Variants in ZCCHC14 observed in about 807,000 individuals in gnomAD.
The protein encoded by ZCCHC14 is zinc finger CCHC domain-containing protein 14.
Under a neutral mutation model 85.0 loss-of-function variants are expected in ZCCHC14, and 16 were observed. The ratio of observed to expected loss-of-function variants is 0.19; its 90% CI spans 0.13 to 0.29. The LOEUF (loss-of-function observed/expected upper bound fraction) is 0.29. ZCCHC14 is among the 10% of genes least tolerant of loss of function. ZCCHC14 has a pLI of 1.00. For missense variants in ZCCHC14, 1,303 were observed against 1,443.5 expected, an observed-to-expected ratio of 0.90 and a Z score of 1.58; for synonymous variants, 775 against 630.7, an observed-to-expected ratio of 1.23 and a Z score of -3.43.
intron 3 of ZCCHC14, among the ~76,000 whole-genome samples, chr16:87,427,157 G>T (rs943803069): frequency 6.6e-6 from 1 of 152,240 alleles, no homozygotes; most frequent in Admixed American, 6.5e-5. Context: ...AAGACACCCA[G>T]AATCTCCACT....
intron 2 of ZCCHC14, among the ~76,000 whole-genome samples, chr16:87,454,282 A>G (rs2150753894): frequency 6.6e-6 from 1 of 152,358 alleles, no homozygotes; most frequent in South Asian, 2.1e-4. Flanking sequence ...TGTAGTGCAA[A>G]ACATAAGCTG....
chr16:87,456,511 C>T (rs1030567654), intron 2 of ZCCHC14, among the ~76,000 whole-genome samples: 8 of 111,744 alleles, frequency 7.2e-5, no homozygotes, highest in Admixed American at 2.5e-4. Flanking sequence ...CCAGCCTGGG[C>T]GACAGAGCAA....
Position 87,419,890 on chromosome 16 carries a change from C to A in ZCCHC14, c.951-13G>T. ...TGAGGCCAGGTACCTAAAAGGCAAA[C>A]AAGTGGTCTTATCAACATTAAAATG... is the stretch of plus-strand genomic sequence containing the variant. On this transcript the variant is annotated splice_polypyrimidine_tract_variant and intron_variant, in intron 5 of 12. Coordinates refer to ENST00000671377, the MANE Select transcript of ZCCHC14 (RefSeq NM_015144.3). 1 of 1,595,078 alleles carries A rather than the reference C, an allele frequency of 6.3e-7. No individual in the cohort carries two copies. The highest frequency in any genetic ancestry group is 1.2e-5 in the South Asian group (1 of 86,764).
intron 1 of ZCCHC14, among the ~76,000 whole-genome samples, chr16:87,464,531 G>A (rs866817218): frequency 3.9e-5 from 6 of 152,126 alleles, no homozygotes; most frequent in South Asian, 2.1e-4. Context: ...CTGTAGGTCC[G>A]TCTGCCACAA....
At chr16:87,433,583 C>G (rs369792110) in intron 2 of ZCCHC14, among the ~76,000 whole-genome samples, 48 of 152,332 alleles carry the variant, frequency 3.2e-4, no homozygotes, top group African/African-American at 1.1e-3. Flanking sequence ...AAAGGTAATG[C>G]TCAGCATTTT....
chr16:87,469,159 T>C (rs1911666444), intron 1 of ZCCHC14, among the ~76,000 whole-genome samples: 2 of 152,132 alleles, frequency 1.3e-5, no homozygotes, highest in Non-Finnish European at 2.9e-5. Flanking sequence ...GTCATCCTCC[T>C]GCCTCAGCCT....
chr16:87,413,815 G>A (rs1343612449), intron 10 of ZCCHC14, among the ~76,000 whole-genome samples: 3 of 143,150 alleles, frequency 2.1e-5, no homozygotes, highest in Admixed American at 2.1e-4. Context: ...CACCAGTCCT[G>A]GGGTGGGGGG....
chr16:87,481,963 A>C (rs910738710), intron 1 of ZCCHC14, among the ~76,000 whole-genome samples: 4 of 152,210 alleles, frequency 2.6e-5, no homozygotes, highest in Non-Finnish European at 5.9e-5. Context: ...AGAAGGGGAA[A>C]GGGCGAGAGA....
intron 11 of ZCCHC14, 21 bp from the exon 12 acceptor site, chr16:87,412,997 G>C: frequency 6.2e-7 from 1 of 1,613,876 alleles, no homozygotes; most frequent in South Asian, 1.1e-5. Context: ...AAACAAGAGT[G>C]GTCAGTGCCA....
intron 1 of ZCCHC14, among the ~76,000 whole-genome samples, chr16:87,479,884 G>C (rs141787952): frequency 6.6e-6 from 1 of 151,862 alleles, no homozygotes; most frequent in Non-Finnish European, 1.5e-5. Context: ...CCCAACTCTC[G>C]TGTTAGAGAG....
intron 2 of ZCCHC14, among the ~76,000 whole-genome samples, chr16:87,449,907 T>G (rs1597429549): frequency 1.3e-5 from 2 of 152,208 alleles, no homozygotes; most frequent in South Asian, 4.2e-4. Context: ...TACCTGGGTG[T>G]GGTGGTGTGT....
At chr16:87,411,468 C>T (rs898591475) in intron 12 of ZCCHC14, 48 bp downstream of exon 12, 2 of 1,599,604 alleles carry the variant, frequency 1.3e-6, no homozygotes, top group Middle Eastern at 1.7e-4. Flanking sequence ...CATTTGTGTG[C>T]ACTGGTCCTG....
At chr16:87,435,111 T>C (rs1304101259) in intron 2 of ZCCHC14, among the ~76,000 whole-genome samples, 2 of 151,950 alleles carry the variant, frequency 1.3e-5, no homozygotes, top group Non-Finnish European at 2.9e-5. Context: ...CAGTACATTA[T>C]AATTTTTTAA....
chr16:87,433,792 C>T (rs777146456), intron 2 of ZCCHC14, among the ~76,000 whole-genome samples: 9 of 152,086 alleles, frequency 5.9e-5, no homozygotes, highest in Admixed American at 3.9e-4. Flanking sequence ...CAGGCGCATG[C>T]ACCACCGTGC....
intron 2 of ZCCHC14, among the ~76,000 whole-genome samples, chr16:87,439,892 T>C (rs542076862): frequency 7.9e-5 from 12 of 152,384 alleles, no homozygotes; most frequent in African/African-American, 2.9e-4. Context: ...TTTTGCTGTC[T>C]ACCAGCAGCT....
Position 87,415,299 on chromosome 16 carries a change from G to C in ZCCHC14, c.1452C>G (p.Leu484=), listed in dbSNP as rs1464765189. Residue 484 remains leucine (L), a synonymous_variant, in exon 9 of 13, where the codon CTC becomes CTG. Transcript: ENST00000671377. The part of the protein sequence containing the change: ...ESLTMGAKKK[L]KTQLELEKEK... ...ACTTTTCCAGCTCCAGCTGGGTCTT[G>C]AGCTTCTTCTTTGCCCCCATGGTAA... is the stretch of plus-strand genomic sequence containing the variant. 6 of 1,613,816 alleles carry C rather than the reference G, an allele frequency of 3.7e-6. No individual in the cohort carries two copies. In the Admixed American group the frequency reaches 5.0e-5, roughly 13 times the overall value.
At chr16:87,451,943 A>G (rs1910727320) in intron 2 of ZCCHC14, among the ~76,000 whole-genome samples, 1 of 152,234 alleles carries the variant, frequency 6.6e-6, no homozygotes, top group Non-Finnish European at 1.5e-5. Context: ...TCAAAGCCGC[A>G]TGTCCTCGCC....
chr16:87,415,445 C>T (rs1908732671), intron 8 of ZCCHC14, 78 bp from the exon 9 acceptor site: 1 of 1,270,850 alleles, frequency 7.9e-7, no homozygotes, highest in African/African-American at 1.5e-5. Context: ...GAGTTGAATT[C>T]AGTACATTTA....
chr16:87,421,876 G>C (rs1405520664), intron 4 of ZCCHC14, among the ~76,000 whole-genome samples: 1 of 151,928 alleles, frequency 6.6e-6, no homozygotes, highest in East Asian at 1.9e-4. Flanking sequence ...CTCTCCTCCG[G>C]CTCCACGGTC....
Sources: gnomAD v4.1 joint callset for allele counts (sites outside exome capture counted in the v4.1 genomes callset) on GRCh38, gnomAD v4.1.1 for gene constraint, MANE v1.5 for transcripts, NCBI Gene and HGNC (gene_info 2026-07-23, HGNC 2026-07-21) for gene names.